RORA: variants seen among roughly 807,000 people sequenced by gnomAD.
RORA encodes the protein nuclear receptor ROR-alpha.
RORA carries 7 observed loss-of-function variants against 69.5 expected under a neutral mutation model. The observed-to-expected ratio is 0.10, with a 90% CI of 0.06 to 0.19. The LOEUF (loss-of-function observed/expected upper bound fraction) is 0.19, where lower values mean the gene tolerates loss of function less well. RORA is among the 10% of genes least tolerant of loss of function. The probability of loss-of-function intolerance (pLI) is 1.00; values close to 1 mark genes in which losing one functional copy is unlikely to be tolerated. For synonymous variants in RORA, 261 were observed against 240.8 expected (o/e 1.08, Z -0.78); for missense variants, 457 against 663.0 (o/e 0.69, Z 3.41).
intron 1 of RORA, among the ~76,000 whole-genome samples, chr15:61,098,516 A>AT (rs1217116002): frequency 6.6e-6 from 1 of 151,790 alleles, no homozygotes; most frequent in Non-Finnish European, 1.5e-5. Context: ...AATATTTTGT[A>AT]TTTTTTGTAG....
At chr15:61,126,315 A>T (rs1018788988) in intron 1 of RORA, among the ~76,000 whole-genome samples, 3 of 152,248 alleles carry the variant, frequency 2.0e-5, no homozygotes, top group Non-Finnish European at 2.9e-5. Flanking sequence ...TGGTGAAATG[A>T]TTAAATCCAG....
At position 60,534,228 on chromosome 15, in the gene RORA, C is replaced by T. The variant is rs528931567; in HGVS notation, c.197-2377G>A. Among the ~76,000 whole-genome samples, 9 of 152,152 alleles carry T rather than the reference C, an allele frequency of 5.9e-5. No individual in the cohort carries two copies. The highest frequency in any genetic ancestry group is 7.3e-5 in the Non-Finnish European group (5 of 68,030). ...CATGATGGGGGTGGCCTTGGGAGTA[C>T]TATACTGGCCCCAGCACTTCCACCC... On this transcript the variant is annotated intron_variant, in intron 2 of 10. Coordinates refer to ENST00000335670, the MANE Select transcript of RORA (RefSeq NM_134261.3). This position sits in a 1 kb window ranked among gnomAD's most constrained non-coding sequence, Gnocchi z 5.0.
At chr15:60,845,734 T>C (rs971470909) in intron 1 of RORA, among the ~76,000 whole-genome samples, 6 of 152,228 alleles carry the variant, frequency 3.9e-5, no homozygotes, top group Non-Finnish European at 7.3e-5. Context: ...TACACCTCAG[T>C]ATGTGAAGCC....
chr15:61,153,994 C>T (rs778473784), intron 1 of RORA, among the ~76,000 whole-genome samples: 1 of 152,162 alleles, frequency 6.6e-6, no homozygotes, highest in African/African-American at 2.4e-5. Context: ...CTTATAGACA[C>T]GAAGCAGGTG....
intron 1 of RORA, among the ~76,000 whole-genome samples, chr15:60,707,034 A>C (rs2071072533): frequency 6.6e-6 from 1 of 152,210 alleles, no homozygotes; most frequent in African/African-American, 2.4e-5. Context: ...CTTGTTGTGC[A>C]AATGGAGGCA....
chr15:60,822,225 C>G (rs149902505), intron 1 of RORA, among the ~76,000 whole-genome samples: 1 of 152,166 alleles, frequency 6.6e-6, no homozygotes, highest in African/African-American at 2.4e-5. Context: ...GCATAGTTAT[C>G]TCCTAGTTCA....
chr15:60,930,797 T>G (rs1299731477), intron 1 of RORA, among the ~76,000 whole-genome samples: 1 of 152,154 alleles, frequency 6.6e-6, no homozygotes, highest in African/African-American at 2.4e-5. Context: ...ACCTGTAGAC[T>G]TTGAGGTCCG....
At chr15:60,579,966 A>G (rs2140480322) in intron 2 of RORA, among the ~76,000 whole-genome samples, 1 of 152,304 alleles carries the variant, frequency 6.6e-6, no homozygotes, top group East Asian at 1.9e-4. Flanking sequence ...TTTATTAATG[A>G]CTACACAGAG....
chr15:60,592,759 CCCCGGGCCCTCG>C (rs2068572134), intron 2 of RORA: 4 of 1,038,220 alleles, frequency 3.9e-6, no homozygotes, highest in Admixed American at 3.8e-5. Flanking sequence ...CCCTCCCGCG[CCCCGGGCCCTCG>C]CCCGGGCGCC....
chr15:60,855,664 G>A (rs981922026), intron 1 of RORA, among the ~76,000 whole-genome samples: 2 of 151,758 alleles, frequency 1.3e-5, no homozygotes, highest in African/African-American at 4.9e-5. Flanking sequence ...TGTCGCCCAG[G>A]CTGGATTTTG....
chr15:60,888,143 G>A (rs1308750074), intron 1 of RORA, among the ~76,000 whole-genome samples: 2 of 152,218 alleles, frequency 1.3e-5, no homozygotes, highest in African/African-American at 4.8e-5. Flanking sequence ...CACGGATGCT[G>A]TCTCATCGGC....
At chr15:61,003,016 C>T (rs1245372247) in intron 1 of RORA, among the ~76,000 whole-genome samples, 6 of 146,952 alleles carry the variant, frequency 4.1e-5, no homozygotes, top group African/African-American at 7.5e-5. Context: ...TGGTGGCGGG[C>T]GCCTGTAGTC....
At chr15:60,775,553 C>T (rs769137150) in intron 1 of RORA, among the ~76,000 whole-genome samples, 20 of 152,170 alleles carry the variant, frequency 1.3e-4, no homozygotes, top group Non-Finnish European at 8.8e-5. Flanking sequence ...TATTTCTGGT[C>T]TAAGCTTTAA....
At chr15:61,064,952 A>T (rs753074433) in intron 1 of RORA, among the ~76,000 whole-genome samples, 1 of 152,216 alleles carries the variant, frequency 6.6e-6, no homozygotes, top group Non-Finnish European at 1.5e-5. Context: ...TCTCCCAGCA[A>T]CAGAGACTAA....
At chr15:60,536,789 A>G (rs1043376102) in intron 2 of RORA, among the ~76,000 whole-genome samples, 3 of 152,240 alleles carry the variant, frequency 2.0e-5, no homozygotes, top group Non-Finnish European at 4.4e-5. Flanking sequence ...ATGAATGTCA[A>G]CCAATTTTGT....
intron 1 of RORA, among the ~76,000 whole-genome samples, chr15:61,179,084 G>A (rs2079658243): frequency 6.6e-6 from 1 of 152,134 alleles, no homozygotes; most frequent in African/African-American, 2.4e-5. Context: ...TGGACCCGAG[G>A]ACCTCAGCCC....
chr15:61,087,137 A>G (rs1595969527), intron 1 of RORA, among the ~76,000 whole-genome samples: 2 of 152,324 alleles, frequency 1.3e-5, no homozygotes, highest in Admixed American at 1.3e-4. Context: ...CACCTGGGTG[A>G]CAGAATAAGA....
chr15:61,075,410 G>T (rs1250176585), intron 1 of RORA, among the ~76,000 whole-genome samples: 1 of 152,140 alleles, frequency 6.6e-6, no homozygotes, highest in African/African-American at 2.4e-5. Flanking sequence ...CCTAGGGAAG[G>T]CCTGCAGTGG....
intron 1 of RORA, chr15:60,841,163 A>T (rs2073192540): frequency 1.3e-6 from 1 of 782,098 alleles, no homozygotes; most frequent in Non-Finnish European, 1.6e-6. Context: ...CCCACAGCTG[A>T]CACAGCTTGG....
Sources: gnomAD v4.1 joint callset for allele counts (sites outside exome capture counted in the v4.1 genomes callset) on GRCh38, gnomAD v4.1.1 for gene constraint, Gnocchi (gnomAD v3.1) non-coding constraint, MANE v1.5 for transcripts, NCBI Gene and HGNC (gene_info 2026-07-23, HGNC 2026-07-21) for gene names.